The following SLC25A13 variants were observed in gnomAD, a reference collection of about 807,000 sequenced individuals.
SLC25A13 encodes the protein electrogenic aspartate/glutamate antiporter SLC25A13, mitochondrial.
Under a neutral mutation model 85.5 loss-of-function variants are expected in SLC25A13, and 70 were observed. The observed-to-expected ratio is 0.82, with a 90% confidence interval of 0.68 to 1.00. The LOEUF is 1.00. Ranked by LOEUF, SLC25A13 falls within the 50% of genes least tolerant of loss-of-function variation. The pLI, the probability that SLC25A13 is intolerant of heterozygous loss-of-function variation, is 0.00. For synonymous variants in SLC25A13, 259 were observed against 288.7 expected, an observed-to-expected ratio of 0.90 and a Z score of 1.04; for missense variants, 765 against 819.8, an observed-to-expected ratio of 0.93 and a Z score of 0.82.
intron 3 of SLC25A13, among the ~76,000 whole-genome samples, chr7:96,242,900 G>A (rs1219723872): frequency 2.0e-5 from 3 of 152,214 alleles, no homozygotes; most frequent in Non-Finnish European, 4.4e-5. Context: ...TCTCCTGAGG[G>A]CTGTGTCACA....
intron 13 of SLC25A13, among the ~76,000 whole-genome samples, chr7:96,156,645 G>A (rs139520468): frequency 0.015 from 2,217 of 152,152 alleles, 54 homozygotes; most frequent in African/African-American, 0.051. Context: ...TAGAGACGGG[G>A]TTTCACTGTG....
intron 4 of SLC25A13, chr7:96,219,831 T>C (rs1796041954): frequency 8.6e-6 from 4 of 465,404 alleles, no homozygotes; most frequent in South Asian, 6.7e-5. Flanking sequence ...TCATAGTGAC[T>C]GTGAGTCAAC....
chr7:96,258,619 C>T (rs748683439), intron 3 of SLC25A13, among the ~76,000 whole-genome samples: 3 of 152,140 alleles, frequency 2.0e-5, no homozygotes, highest in Non-Finnish European at 2.9e-5. Flanking sequence ...GAATCAATAT[C>T]GTGAAAATGG....
chr7:96,312,441 G>C (rs1584609950), intron 1 of SLC25A13, among the ~76,000 whole-genome samples: 1 of 152,150 alleles, frequency 6.6e-6, no homozygotes, highest in East Asian at 1.9e-4. Context: ...TTGAGCCTTA[G>C]GTTTCTTTAT....
chr7:96,164,405 C>G (rs987642962), intron 13 of SLC25A13, among the ~76,000 whole-genome samples: 1 of 152,066 alleles, frequency 6.6e-6, no homozygotes, highest in East Asian at 1.9e-4. Flanking sequence ...ACAGAAACCA[C>G]GGAAAGGAGG....
chr7:96,268,226 C>T (rs1320118502), intron 3 of SLC25A13, among the ~76,000 whole-genome samples: 1 of 152,136 alleles, frequency 6.6e-6, no homozygotes, highest in African/African-American at 2.4e-5. Flanking sequence ...AGATAACAGT[C>T]AGTAACAACA....
At chr7:96,177,908 A>G (rs1482519621) in intron 11 of SLC25A13, among the ~76,000 whole-genome samples, 1 of 152,060 alleles carries the variant, frequency 6.6e-6, no homozygotes, top group African/African-American at 2.4e-5. Context: ...TCTCTAACAG[A>G]CTTACTGCTC....
At chr7:96,222,070 G>A (rs1057038751) in intron 4 of SLC25A13, among the ~76,000 whole-genome samples, 27 of 152,204 alleles carry the variant, frequency 1.8e-4, no homozygotes, top group African/African-American at 4.6e-4. Context: ...TATTTTTTCC[G>A]CAGGACTTCT....
Position 96,229,582 on chromosome 7 carries a change from C to T in SLC25A13, c.328+5220G>A, listed in dbSNP as rs180954020. Among the ~76,000 whole-genome samples the T allele has an allele frequency of 3.6e-3, 554 of 152,224 alleles. 3 individuals carry two copies. Among genetic ancestry groups the T allele is most frequent in the African/African-American group, 0.013 (534 of 41,500 alleles). On this transcript the variant is annotated intron_variant, in intron 4 of 17. Transcript: ENST00000265631. ...TGCTCACTCTTTGGGTCCGCATTGC[C>T]TTTATGAGCTATAACACTCACCATG...
chr7:96,225,562 G>GA (rs376902943), intron 4 of SLC25A13, among the ~76,000 whole-genome samples: 3,355 of 146,010 alleles, frequency 0.023, 62 homozygotes, highest in South Asian at 0.073. Context: ...AACCAAGAAA[G>GA]AAAAAAAAAA....
chr7:96,255,771 C>G (rs79491931), intron 3 of SLC25A13, among the ~76,000 whole-genome samples: 1,918 of 151,956 alleles, frequency 0.013, 42 homozygotes, highest in African/African-American at 0.045. Flanking sequence ...ATACCTAATC[C>G]CCAGATTGTG....
chr7:96,246,095 T>A (rs149046243), intron 3 of SLC25A13, among the ~76,000 whole-genome samples: 1 of 152,340 alleles, frequency 6.6e-6, no homozygotes, highest in African/African-American at 2.4e-5. Flanking sequence ...AACCAGGTAC[T>A]TTGAATGCAC....
At chr7:96,128,152 T>C (rs903142624) in intron 15 of SLC25A13, among the ~76,000 whole-genome samples, 2 of 152,242 alleles carry the variant, frequency 1.3e-5, no homozygotes, top group Admixed American at 1.3e-4. Flanking sequence ...ATTTTTTATG[T>C]TTATTTTATA....
chr7:96,153,322 T>A (rs180869044), intron 13 of SLC25A13, among the ~76,000 whole-genome samples: 101 of 152,310 alleles, frequency 6.6e-4, no homozygotes, highest in African/African-American at 2.4e-3. Flanking sequence ...CCCTTCAGAA[T>A]CAATAGTAAA....
At chr7:96,313,705 G>C (rs1256275192) in intron 1 of SLC25A13, among the ~76,000 whole-genome samples, 1 of 152,092 alleles carries the variant, frequency 6.6e-6, no homozygotes, top group African/African-American at 2.4e-5. Context: ...CCAAGCCTCA[G>C]CATCATGCAA....
intron 3 of SLC25A13, among the ~76,000 whole-genome samples, chr7:96,240,921 G>C (rs1380344130): frequency 7.2e-6 from 1 of 139,792 alleles, no homozygotes; most frequent in Non-Finnish European, 1.5e-5. Context: ...GAAGAGACCA[G>C]AGTTGAGGAG....
intron 5 of SLC25A13, among the ~76,000 whole-genome samples, chr7:96,198,570 T>G (rs1795145622): frequency 6.6e-6 from 1 of 152,206 alleles, no homozygotes; most frequent in South Asian, 2.1e-4. Flanking sequence ...CAGAGGCACC[T>G]GAAGTTCAGA....
At chr7:96,176,277 T>C (rs1794217620) in intron 11 of SLC25A13, among the ~76,000 whole-genome samples, 1 of 152,212 alleles carries the variant, frequency 6.6e-6, no homozygotes, top group South Asian at 2.1e-4. Flanking sequence ...GTTTCTAATA[T>C]AAGATGTTTC....
rs879255501 is a variant in SLC25A13 at position 96,121,261 on chromosome 7, T to C, written c.1958A>G (p.Lys653Arg). 2 of 1,614,010 alleles carry C rather than the reference T, an allele frequency of 1.2e-6. No individual in the cohort carries two copies. Among genetic ancestry groups the C allele is most frequent in the East Asian group, 4.5e-5 (2 of 44,884 alleles). Residue 653 changes from lysine to arginine, a missense_variant, in exon 18 of 18, where the codon AAA becomes AGA. Physicochemically the swap from Lys to Arg is conservative, Grantham distance 26. Transcript: ENST00000265631. ...AVATFAGIEN[K>R]FGLYLPLFKP... Reference sequence around the variant, plus strand: ...GAAGAGAGGTAGGTAAAGTCCAAATTTGTTTTCAATCCCTGCAAATGTAGC... The same window carrying C: ...GAAGAGAGGTAGGTAAAGTCCAAATCTGTTTTCAATCCCTGCAAATGTAGC...
Sources: allele counts gnomAD v4.1 joint callset (sites outside exome capture counted in the v4.1 genomes callset), GRCh38; gene constraint gnomAD v4.1.1; transcripts MANE v1.5; gene names NCBI Gene and HGNC (gene_info 2026-07-23, HGNC 2026-07-21).